SLC41A2: variants seen among roughly 807,000 people sequenced by gnomAD.
SLC41A2 encodes solute carrier family 41 member 2, also known as SLC41A1-like 1.
A neutral mutation model predicts 58.3 loss-of-function variants in SLC41A2; 32 were observed. The observed-to-expected ratio is 0.55, with a 90% CI of 0.41 to 0.74. The LOEUF is 0.74. Ranked by LOEUF, SLC41A2 falls within the 30% of genes least tolerant of loss-of-function variation. The probability of loss-of-function intolerance (pLI) is 0.00; values close to 1 mark genes in which losing one functional copy is unlikely to be tolerated. For synonymous variants in SLC41A2, 190 were observed against 235.0 expected, an observed-to-expected ratio of 0.81 and a Z score of 1.75; for missense variants, 514 against 680.6, an observed-to-expected ratio of 0.76 and a Z score of 2.72.
intron 1 of SLC41A2, among the ~76,000 whole-genome samples, chr12:104,946,894 C>T (rs1055274556): frequency 4.6e-5 from 7 of 152,190 alleles, no homozygotes; most frequent in African/African-American, 1.7e-4. Context: ...TGGCTTACAT[C>T]CTGACTTTCA....
At chr12:104,915,921 C>T (rs567126765) in intron 2 of SLC41A2, among the ~76,000 whole-genome samples, 26 of 152,214 alleles carry the variant, frequency 1.7e-4, no homozygotes, top group Non-Finnish European at 1.8e-4. Context: ...ATAGATAGCT[C>T]TTATTATTTT....
intron 7 of SLC41A2, among the ~76,000 whole-genome samples, chr12:104,863,977 G>T (rs1277540341): frequency 4.2e-5 from 6 of 143,294 alleles, no homozygotes; most frequent in African/African-American, 1.0e-4. Flanking sequence ...TTTTCTTAGA[G>T]ACCTCCCTCC....
At chr12:104,927,647 T>C (rs1425491884) in intron 2 of SLC41A2, among the ~76,000 whole-genome samples, 2 of 152,102 alleles carry the variant, frequency 1.3e-5, no homozygotes, top group African/African-American at 2.4e-5. Flanking sequence ...TTTTAATGAG[T>C]ATATATTAAT....
At chr12:104,903,170 T>C (rs1401393020) in intron 3 of SLC41A2, among the ~76,000 whole-genome samples, 3 of 152,186 alleles carry the variant, frequency 2.0e-5, no homozygotes, top group Non-Finnish European at 4.4e-5. Context: ...TGTTACCATC[T>C]TGAATATTAT....
chr12:104,924,560 C>T (rs2046751945), intron 2 of SLC41A2, among the ~76,000 whole-genome samples: 1 of 152,048 alleles, frequency 6.6e-6, no homozygotes, highest in East Asian at 1.9e-4. Context: ...GCCTGACCCA[C>T]ATGGAGAAAC....
At chr12:104,912,705 G>T (rs148424595) in intron 2 of SLC41A2, among the ~76,000 whole-genome samples, 6 of 152,164 alleles carry the variant, frequency 3.9e-5, no homozygotes, top group Non-Finnish European at 5.9e-5. Flanking sequence ...GGAGATCACC[G>T]GAACCCCAGC....
At chr12:104,944,969 G>A (rs1259350230) in intron 1 of SLC41A2, among the ~76,000 whole-genome samples, 6 of 151,408 alleles carry the variant, frequency 4.0e-5, no homozygotes, top group Admixed American at 6.6e-5. Flanking sequence ...TCAGGAGTTC[G>A]AGACCAGCCT....
intron 10 of SLC41A2, among the ~76,000 whole-genome samples, chr12:104,829,566 T>C (rs1270754934): frequency 6.6e-6 from 1 of 151,856 alleles, no homozygotes; most frequent in African/African-American, 2.4e-5. Context: ...TTGATTATGG[T>C]AGTCATTACA....
At chr12:104,865,617 C>T (rs1203639203) in intron 7 of SLC41A2, among the ~76,000 whole-genome samples, 1 of 152,140 alleles carries the variant, frequency 6.6e-6, no homozygotes, top group Non-Finnish European at 1.5e-5. Context: ...AATGTTGTCT[C>T]TCACCTGCTG....
chr12:104,904,298 C>T (rs1160647488), intron 3 of SLC41A2, among the ~76,000 whole-genome samples: 1 of 152,148 alleles, frequency 6.6e-6, no homozygotes, highest in Non-Finnish European at 1.5e-5. Flanking sequence ...AGTTCAATTT[C>T]CAACAAATGA....
At chr12:104,853,105 G>A (rs1252663251) in intron 8 of SLC41A2, among the ~76,000 whole-genome samples, 5 of 152,172 alleles carry the variant, frequency 3.3e-5, no homozygotes, top group African/African-American at 1.2e-4. Context: ...CTCAGTTGAT[G>A]AAATAAAGTT....
chr12:104,898,261 T>C (rs1405305959), intron 3 of SLC41A2, among the ~76,000 whole-genome samples: 2 of 152,128 alleles, frequency 1.3e-5, no homozygotes, highest in Non-Finnish European at 1.5e-5. Context: ...TGCCTTTAGG[T>C]GGAATCTGCC....
At chr12:104,953,953 T>A (rs1276220639) in intron 1 of SLC41A2, among the ~76,000 whole-genome samples, 3 of 152,206 alleles carry the variant, frequency 2.0e-5, no homozygotes, top group African/African-American at 7.2e-5. Context: ...GTTTCCACTT[T>A]TCCTATTTAG....
intron 6 of SLC41A2, among the ~76,000 whole-genome samples, chr12:104,874,199 G>A (rs112601940): frequency 0.032 from 4,758 of 150,008 alleles, 142 homozygotes; most frequent in East Asian, 0.16. Flanking sequence ...TCAGCCTCCC[G>A]AGTAGCTGGG....
chr12:104,871,734 T>A (rs1468873514), intron 6 of SLC41A2, among the ~76,000 whole-genome samples: 1 of 152,300 alleles, frequency 6.6e-6, no homozygotes, highest in Non-Finnish European at 1.5e-5. Context: ...TTAATTGGAG[T>A]GCTTTCAAAA....
At chr12:104,814,524 A>ATACT (rs1566096805) in intron 10 of SLC41A2, among the ~76,000 whole-genome samples, 2 of 152,164 alleles carry the variant, frequency 1.3e-5, no homozygotes, top group Non-Finnish European at 2.9e-5. Flanking sequence ...TTCTAGCAAA[A>ATACT]TACTTATACA....
chr12:104,878,446 A>C (rs893472424), intron 6 of SLC41A2, among the ~76,000 whole-genome samples: 1 of 151,628 alleles, frequency 6.6e-6, no homozygotes, highest in Non-Finnish European at 1.5e-5. Context: ...ATTTCTCCCA[A>C]TGCTATCCCT....
In SLC41A2 at chr12:104,886,416, C is replaced by T. The variant is rs753959924; in HGVS notation, c.904G>A (p.Val302Ile). 1.2e-5 allele frequency: 20 copies of T among 1,613,108 alleles called. No individual in the cohort carries two copies. The highest frequency in any genetic ancestry group is 1.1e-4 in the East Asian group (5 of 44,854). The change falls in exon 6 of 11, where the codon GTT becomes ATT. Residue 302 changes from valine (V) to isoleucine (I), a missense_variant. Around this residue, in one of 3 missense-constraint regions of SLC41A2, gnomAD observed 336 missense variants for 430.0 expected, o/e 0.78. Coordinates refer to ENST00000258538, the MANE Select transcript of SLC41A2 (RefSeq NM_001352171.3). Reference sequence around the variant, plus strand: ...TTTATACCAGTCTTCTTTGAACCAACGATAACCCCAACCATTATTATTCCT... The same window carrying T: ...TTTATACCAGTCTTCTTTGAACCAATGATAACCCCAACCATTATTATTCCT... The part of the protein sequence containing the change: ...LQGIIMVGVI[V>I]GSKKTGINPD...
intron 2 of SLC41A2, among the ~76,000 whole-genome samples, chr12:104,924,615 A>G (rs2046754362): frequency 6.6e-6 from 1 of 152,066 alleles, no homozygotes; most frequent in Non-Finnish European, 1.5e-5. Flanking sequence ...GTGGTGGCAC[A>G]TGCCTGTAAT....
Sources: allele counts gnomAD v4.1 joint callset (sites outside exome capture counted in the v4.1 genomes callset), GRCh38; gene constraint gnomAD v4.1.1; regional missense constraint gnomAD v4.1.1; transcripts MANE v1.5; gene names NCBI Gene and HGNC (gene_info 2026-07-23, HGNC 2026-07-21).